CCDC7: variants seen among roughly 807,000 people sequenced by gnomAD.
CCDC7 encodes the protein coiled-coil domain-containing protein 7.
A neutral mutation model predicts 196.9 loss-of-function variants in CCDC7; 183 were observed. That is an observed-to-expected ratio of 0.93 (90% CI 0.82 to 1.05). CCDC7 has a LOEUF of 1.05. Ranked by LOEUF, CCDC7 falls within the 50% of genes least tolerant of loss-of-function variation. The pLI is 0.00. For missense variants in CCDC7, 1,540 were observed against 1,482.2 expected, an observed-to-expected ratio of 1.04 and a Z score of -0.64; for synonymous variants, 525 against 484.6, an observed-to-expected ratio of 1.08 and a Z score of -1.10.
At chr10:32,681,162 A>G (rs534044439) in intron 21 of CCDC7, among the ~76,000 whole-genome samples, 1 of 152,286 alleles carries the variant, frequency 6.6e-6, no homozygotes, top group African/African-American at 2.4e-5. Context: ...TCACTCTCTC[A>G]GCTAGTAAGT....
intron 40 of CCDC7, among the ~76,000 whole-genome samples, chr10:32,853,397 A>G (rs1295315886): frequency 6.6e-6 from 1 of 152,198 alleles, no homozygotes; most frequent in Admixed American, 6.5e-5. Context: ...TTGGCCTTTG[A>G]ATCTAAAAAT....
intron 8 of CCDC7, among the ~76,000 whole-genome samples, chr10:32,476,525 T>C (rs1474011701): frequency 7.9e-5 from 12 of 152,228 alleles, no homozygotes; most frequent in Admixed American, 7.2e-4. Context: ...TCAACACTTT[T>C]GTTCAGGTTT....
chr10:32,847,457 G>C (rs140773377), intron 37 of CCDC7, among the ~76,000 whole-genome samples: 12 of 152,186 alleles, frequency 7.9e-5, no homozygotes, highest in Non-Finnish European at 1.2e-4. Context: ...TAGAGTTAAA[G>C]GAAATTATTC....
chr10:32,609,097 T>C (rs1415264203), intron 18 of CCDC7, among the ~76,000 whole-genome samples: 1 of 152,184 alleles, frequency 6.6e-6, no homozygotes, highest in African/African-American at 2.4e-5. Context: ...AGCTGTTGGG[T>C]AAAATGGTCT....
At chr10:32,584,411 A>G in intron 18 of CCDC7, 107 bp downstream of exon 19, 1 of 698,638 alleles carries the variant, frequency 1.4e-6, no homozygotes, top group Non-Finnish European at 2.3e-6. Context: ...TATACAAACA[A>G]CTTGTTAGGG....
At chr10:32,778,834 G>A (rs1423966068) in intron 28 of CCDC7, 143 bp from the exon 30 acceptor site, 3 of 624,960 alleles carry the variant, frequency 4.8e-6, no homozygotes, top group Non-Finnish European at 8.3e-6. Context: ...TCATTTATTT[G>A]TGCCATTTCT....
intron 28 of CCDC7, among the ~76,000 whole-genome samples, chr10:32,746,248 C>A (rs57408002): frequency 0.053 from 8,089 of 152,256 alleles, 721 homozygotes; most frequent in African/African-American, 0.18. Flanking sequence ...CATCAGGACT[C>A]ATTCTTGGTC....
intron 9 of CCDC7, among the ~76,000 whole-genome samples, chr10:32,516,298 T>G (rs999976114): frequency 1.3e-5 from 2 of 152,042 alleles, no homozygotes; most frequent in Non-Finnish European, 2.9e-5. Flanking sequence ...TTTTTTTGTT[T>G]TTTTTTTGAG....
intron 28 of CCDC7, among the ~76,000 whole-genome samples, chr10:32,752,798 TA>T (rs2075862143): frequency 6.6e-6 from 1 of 152,174 alleles, no homozygotes; most frequent in East Asian, 1.9e-4. Flanking sequence ...GATTTTTCCT[TA>T]AGAGTTAGCA....
chr10:32,529,726 CTT>C (rs1212753089), intron 11 of CCDC7, among the ~76,000 whole-genome samples: 1 of 152,082 alleles, frequency 6.6e-6, no homozygotes, highest in East Asian at 1.9e-4. Flanking sequence ...TGGGTTGTCT[CTT>C]TACTCTGTTG....
At chr10:32,523,278 G>A (rs752327435) in intron 11 of CCDC7, among the ~76,000 whole-genome samples, 2 of 152,100 alleles carry the variant, frequency 1.3e-5, no homozygotes, top group African/African-American at 4.8e-5. Context: ...AGGGGCAGTG[G>A]CTCACGCCTG....
intron 20 of CCDC7, among the ~76,000 whole-genome samples, chr10:32,641,076 G>T (rs978133826): frequency 6.6e-6 from 1 of 152,026 alleles, no homozygotes; most frequent in Non-Finnish European, 1.5e-5. Context: ...CTGTCTGGCT[G>T]CCCTTAACAT....
At chr10:32,825,056 T>G (rs2090909423) in intron 32 of CCDC7, among the ~76,000 whole-genome samples, 1 of 152,216 alleles carries the variant, frequency 6.6e-6, no homozygotes, top group Admixed American at 6.5e-5. Flanking sequence ...TGTTATAAAG[T>G]TCAAAAATTA....
chr10:32,804,353 G>A (rs2135133399), intron 29 of CCDC7, among the ~76,000 whole-genome samples: 1 of 152,226 alleles, frequency 6.6e-6, no homozygotes, highest in South Asian at 2.1e-4. Flanking sequence ...TTTACTCCTT[G>A]TATTTCTGCA....
At position 32,452,843 on chromosome 10, in the gene CCDC7, G is replaced by A. The variant is rs1251061945; in HGVS notation, c.280-501G>A. Among the ~76,000 whole-genome samples, 3 of 152,094 alleles carry A rather than the reference G, an allele frequency of 2.0e-5. No homozygotes were observed. In the East Asian group the frequency reaches 5.8e-4, roughly 29 times the overall value. ...TGCAATCCAGAATTGAATTGTAAAT[G>A]TACCAAATAACAATGAGGAAGAGCA... On this transcript the variant is annotated intron_variant, in intron 1 of 41. Coordinates refer to ENST00000639629, the Ensembl canonical transcript of CCDC7.
At chr10:32,854,294 T>A in intron 40 of CCDC7, 106 bp from the exon 42 acceptor site, 1 of 669,594 alleles carries the variant, frequency 1.5e-6, no homozygotes, top group East Asian at 2.9e-5. Context: ...GAAAAAAAGT[T>A]GTAAGGAAAC....
intron 23 of CCDC7, among the ~76,000 whole-genome samples, chr10:32,692,306 C>G (rs2077177618): frequency 6.6e-6 from 1 of 152,162 alleles, no homozygotes; most frequent in South Asian, 2.1e-4. Flanking sequence ...TTTCTCAGAG[C>G]CCATCTGCTG....
At chr10:32,730,889 A>T (rs2083851905) in intron 28 of CCDC7, among the ~76,000 whole-genome samples, 2 of 152,086 alleles carry the variant, frequency 1.3e-5, no homozygotes. Flanking sequence ...TTTTAATTAC[A>T]TTAGTTAAAT....
At chr10:32,538,932 G>C (rs2050952368) in intron 11 of CCDC7, among the ~76,000 whole-genome samples, 1 of 152,074 alleles carries the variant, frequency 6.6e-6, no homozygotes, top group Non-Finnish European at 1.5e-5. Flanking sequence ...TCAAGATATT[G>C]GCCTGAAGTT....
Sources: gnomAD v4.1 joint callset for allele counts (sites outside exome capture counted in the v4.1 genomes callset) on GRCh38, gnomAD v4.1.1 for gene constraint, MANE v1.5 for transcripts, NCBI Gene and HGNC (gene_info 2026-07-23, HGNC 2026-07-21) for gene names.